The following LGR5 variants were observed in gnomAD, a reference collection of about 807,000 sequenced individuals.
LGR5 encodes leucine rich repeat containing G protein-coupled receptor 5.
A neutral mutation model predicts 76.7 loss-of-function variants in LGR5; 54 were observed. The ratio of observed to expected loss-of-function variants is 0.70; its 90% CI spans 0.57 to 0.88. The LOEUF (loss-of-function observed/expected upper bound fraction) is 0.88. LGR5 is among the 40% of genes least tolerant of loss of function. The probability of loss-of-function intolerance (pLI) is 0.00; values close to 1 mark genes in which losing one functional copy is unlikely to be tolerated. For missense variants in LGR5, 1,078 were observed against 1,073.3 expected (o/e 1.00, Z -0.06); for synonymous variants, 406 against 421.9 (o/e 0.96, Z 0.46).
chr12:71,571,545 C>A lies in LGR5; in HGVS notation c.1102C>A (p.Pro368Thr). Residue 368 changes from proline (P) to threonine (T), a missense_variant, in exon 12 of 18, where the codon CCC becomes ACC. Pro to Thr is a conservative substitution (Grantham distance 38, BLOSUM62 -1). Coordinates refer to ENST00000266674, the MANE Select transcript of LGR5 (RefSeq NM_003667.4). ...GTCTTACAACCTATTAGAAGATTTA[C>A]CCAGTTTTTCAGTCTGCCAAAAGCT... ...DLSYNLLEDL[P>T]SFSVCQKLQK... 1 of 1,613,010 alleles carries A rather than the reference C, an allele frequency of 6.2e-7. No individual in the cohort carries two copies. The highest frequency in any genetic ancestry group is 1.1e-5 in the South Asian group (1 of 90,922).
At position 71,486,428 on chromosome 12, in the gene LGR5, T is replaced by C. The variant is rs1873831239; in HGVS notation, c.213-18186T>C. On this transcript the variant is annotated intron_variant, in intron 1 of 17. Coordinates refer to ENST00000266674, the MANE Select transcript of LGR5 (RefSeq NM_003667.4). The stretch of plus-strand genomic sequence containing the variant: ...ACCAGGGGAGTCAACATCATGACTA[T>C]AAAGAAAATAAAAATCAAAGGTTGA... 2.6e-5 allele frequency among the ~76,000 whole-genome samples: 4 copies of C among 152,152 alleles called. No homozygotes were observed. The South Asian group carries it at 8.3e-4, about 32-fold the overall frequency.
At chr12:71,512,806 AG>A (rs1307666481) in intron 2 of LGR5, among the ~76,000 whole-genome samples, 1 of 152,146 alleles carries the variant, frequency 6.6e-6, no homozygotes, top group East Asian at 1.9e-4. Context: ...AAGTGCAAGG[AG>A]GCAGCAGGAC....
chr12:71,562,952 C>T (rs1368874299), intron 8 of LGR5, among the ~76,000 whole-genome samples: 1 of 152,148 alleles, frequency 6.6e-6, no homozygotes, highest in Non-Finnish European at 1.5e-5. Flanking sequence ...AATATTTTGG[C>T]AAACTAAGAG....
At chr12:71,551,113 C>T (rs932893279) in intron 4 of LGR5, among the ~76,000 whole-genome samples, 5 of 152,278 alleles carry the variant, frequency 3.3e-5, no homozygotes, top group African/African-American at 9.6e-5. Context: ...GAAATTTAAT[C>T]GTAAATGGGG....
At chr12:71,516,450 G>A (rs10879293) in intron 2 of LGR5, among the ~76,000 whole-genome samples, 1 of 151,854 alleles carries the variant, frequency 6.6e-6, no homozygotes, top group African/African-American at 2.4e-5. Context: ...TCGGACCATG[G>A]TTTCCTGCAC....
chr12:71,504,055 C>G (rs1443187578), intron 1 of LGR5, among the ~76,000 whole-genome samples: 1 of 152,118 alleles, frequency 6.6e-6, no homozygotes, highest in Non-Finnish European at 1.5e-5. Flanking sequence ...TTTTATGGTT[C>G]ATTTCACTTA....
chr12:71,556,613 C>A lies in LGR5; in HGVS notation c.645-6C>A. 3 of 1,592,208 alleles carry A rather than the reference C, an allele frequency of 1.9e-6. No homozygotes were observed. Among genetic ancestry groups the A allele is most frequent in the South Asian group, 1.1e-5 (1 of 90,612 alleles). On this transcript the variant is annotated splice_polypyrimidine_tract_variant and splice_region_variant and intron_variant, in intron 5 of 17. Coordinates refer to ENST00000266674, the MANE Select transcript of LGR5 (RefSeq NM_003667.4). ...CTTCCTAACTATCTGTAATGTTCTA[C>A]TGCAGACATCTCCATAACAATAGAA... is the stretch of plus-strand genomic sequence containing the variant.
At chr12:71,538,302 C>T (rs1876704309) in intron 4 of LGR5, among the ~76,000 whole-genome samples, 1 of 152,130 alleles carries the variant, frequency 6.6e-6, no homozygotes, top group African/African-American at 2.4e-5. Context: ...CACTTGAACC[C>T]AGGAGTTTGA....
intron 1 of LGR5, among the ~76,000 whole-genome samples, chr12:71,455,792 T>C (rs1872446662): frequency 6.6e-6 from 1 of 152,168 alleles, no homozygotes; most frequent in South Asian, 2.1e-4. Context: ...TGATACTCAA[T>C]ATACACAAAA....
chr12:71,449,824 A>G (rs1366568793), intron 1 of LGR5, among the ~76,000 whole-genome samples: 1 of 152,250 alleles, frequency 6.6e-6, no homozygotes, highest in Non-Finnish European at 1.5e-5. Flanking sequence ...GAAGAACTAA[A>G]AGGACAATCT....
chr12:71,537,952 C>T (rs949898317), intron 4 of LGR5, among the ~76,000 whole-genome samples: 5 of 150,912 alleles, frequency 3.3e-5, no homozygotes, highest in Non-Finnish European at 7.4e-5. Flanking sequence ...TTTTTCTTTT[C>T]ACTCTCTTGA....
At chr12:71,523,829 T>C (rs1875844496) in intron 2 of LGR5, among the ~76,000 whole-genome samples, 1 of 152,226 alleles carries the variant, frequency 6.6e-6, no homozygotes, top group South Asian at 2.1e-4. Flanking sequence ...TCCTTCATAC[T>C]AATCTCTCTT....
At chr12:71,463,360 T>G (rs1360060924) in intron 1 of LGR5, among the ~76,000 whole-genome samples, 1 of 152,334 alleles carries the variant, frequency 6.6e-6, no homozygotes, top group East Asian at 1.9e-4. Context: ...TCTCTTAGCT[T>G]CAGTCGAGAG....
At chr12:71,490,577 T>C (rs1874023403) in intron 1 of LGR5, among the ~76,000 whole-genome samples, 1 of 152,176 alleles carries the variant, frequency 6.6e-6, no homozygotes, top group Non-Finnish European at 1.5e-5. Flanking sequence ...TATGTTGAAC[T>C]CGTAGGTAAA....
chr12:71,558,683 G>A (rs1275883828), intron 6 of LGR5, among the ~76,000 whole-genome samples: 1 of 152,150 alleles, frequency 6.6e-6, no homozygotes, highest in East Asian at 1.9e-4. Context: ...AAATTAAATA[G>A]CAATTCTCCA....
intron 1 of LGR5, among the ~76,000 whole-genome samples, chr12:71,470,908 T>G (rs1048090611): frequency 2.6e-5 from 4 of 152,176 alleles, no homozygotes; most frequent in Non-Finnish European, 4.4e-5. Flanking sequence ...ATCTTACCCA[T>G]GTTCCCCTTG....
chr12:71,447,274 C>T (rs1394917632), intron 1 of LGR5, among the ~76,000 whole-genome samples: 1 of 152,200 alleles, frequency 6.6e-6, no homozygotes, highest in African/African-American at 2.4e-5. Context: ...AATTAGAAAT[C>T]TGCATAAGTC....
At chr12:71,517,229 A>C (rs1565712583) in intron 2 of LGR5, among the ~76,000 whole-genome samples, 1 of 152,224 alleles carries the variant, frequency 6.6e-6, no homozygotes, top group Non-Finnish European at 1.5e-5. Context: ...TAAAAGGGGA[A>C]TGATTTCCTT....
intron 3 of LGR5, among the ~76,000 whole-genome samples, chr12:71,527,633 T>C (rs1478469286): frequency 1.3e-5 from 2 of 152,220 alleles, no homozygotes; most frequent in Non-Finnish European, 1.5e-5. Context: ...TTCATTGAGA[T>C]CACCATTTCT....
Sources: gnomAD v4.1 joint callset for allele counts (sites outside exome capture counted in the v4.1 genomes callset) on GRCh38, gnomAD v4.1.1 for gene constraint, MANE v1.5 for transcripts, NCBI Gene and HGNC (gene_info 2026-07-23, HGNC 2026-07-21) for gene names.